The following WDR20 variants were observed in gnomAD, a reference collection of about 807,000 sequenced individuals.
WDR20 encodes the protein WD repeat domain 20, also known as WD repeat-containing protein 20.
WDR20 carries 3 observed loss-of-function variants against 38.7 expected under a neutral mutation model. The observed-to-expected ratio is 0.08, with a 90% CI of 0.04 to 0.20. WDR20 has a LOEUF of 0.20. WDR20 is among the 10% of genes least tolerant of loss of function. The probability of loss-of-function intolerance (pLI) is 1.00; values close to 1 mark genes in which losing one functional copy is unlikely to be tolerated. For synonymous variants in WDR20, 298 were observed against 285.6 expected, an observed-to-expected ratio of 1.04 and a Z score of -0.44; for missense variants, 559 against 727.7, an observed-to-expected ratio of 0.77 and a Z score of 2.67.
chr14:102,213,826 C>T (rs562724997), downstream of WDR20: 33 of 985,410 alleles, frequency 3.3e-5, no homozygotes, highest in African/African-American at 4.7e-4. Context: ...AAGTGTGAGG[C>T]GGAGAAAACC....
At chr14:102,176,771 T>C (rs1484520910) in intron 1 of WDR20, among the ~76,000 whole-genome samples, 2 of 151,970 alleles carry the variant, frequency 1.3e-5, no homozygotes, top group African/African-American at 4.8e-5. Context: ...TCTTGCTCTG[T>C]CTCCCAGGCT....
At chr14:102,211,476 C>T (rs964702761), downstream of WDR20, among the ~76,000 whole-genome samples, 29 of 152,152 alleles carry the variant, frequency 1.9e-4, no homozygotes, top group Non-Finnish European at 3.5e-4. This position sits in a 1 kb window ranked among gnomAD's most constrained non-coding sequence, Gnocchi z 4.2. Flanking sequence ...TGGGCCTTAA[C>T]GCAGTGGTTT....
At chr14:102,176,567 T>A (rs771220691) in intron 1 of WDR20, among the ~76,000 whole-genome samples, 1 of 152,106 alleles carries the variant, frequency 6.6e-6, no homozygotes, top group Non-Finnish European at 1.5e-5. Context: ...GGCTGAGGAT[T>A]TTTACATCTC....
In WDR20 at chr14:102,139,943, G is replaced by C. The variant is rs760903759; in HGVS notation, c.20G>C (p.Gly7Ala). MATEGG[G>A]KEMNEIKTQF... is the part of the protein sequence containing the mutation. ...TCCAAGATGGCGACGGAGGGAGGAG[G>C]GAAGGAGATGAACGAGATTAAGACC... Residue 7 changes from glycine to alanine, a missense_variant, in exon 1 of 3, where the codon GGG becomes GCG. By Grantham distance (60) the Gly-to-Ala change is moderately conservative. Transcript: ENST00000342702. 1 of 1,613,344 alleles carries C rather than the reference G, an allele frequency of 6.2e-7. No individual in the cohort carries two copies.
intron 1 of WDR20, among the ~76,000 whole-genome samples, chr14:102,147,676 T>A (rs549763651): frequency 0.033 from 4,973 of 152,272 alleles, 277 homozygotes; most frequent in African/African-American, 0.11. Context: ...ATGGTGGATT[T>A]TGTCACTGAG....
intron 1 of WDR20, among the ~76,000 whole-genome samples, chr14:102,143,574 T>C (rs1472432275): frequency 6.6e-6 from 1 of 151,716 alleles, no homozygotes; most frequent in Non-Finnish European, 1.5e-5. Context: ...AGACAAAGTC[T>C]AGCTCTGTCA....
At chr14:102,173,080 TC>T (rs1287505410) in intron 1 of WDR20, among the ~76,000 whole-genome samples, 7 of 151,944 alleles carry the variant, frequency 4.6e-5, no homozygotes, top group Admixed American at 4.6e-4. Flanking sequence ...GCTCCTCACT[TC>T]CTAGATGGGA....
downstream of WDR20, among the ~76,000 whole-genome samples, chr14:102,215,834 T>C (rs928193233): frequency 3.9e-5 from 6 of 152,202 alleles, no homozygotes; most frequent in African/African-American, 1.4e-4. Context: ...ATGATTTACA[T>C]TGTCTTACTA....
intron 1 of WDR20, among the ~76,000 whole-genome samples, chr14:102,173,888 C>A (rs2061512625): frequency 6.6e-6 from 1 of 151,908 alleles, no homozygotes; most frequent in Non-Finnish European, 1.5e-5. Flanking sequence ...ACTAAAAATT[C>A]AAAAAATTAG....
In WDR20 at chr14:102,208,243, C is replaced by G. The variant is rs2153014162; in HGVS notation, c.433-360C>G. On this transcript the variant is annotated intron_variant, in intron 2 of 2. Coordinates refer to ENST00000342702, the MANE Select transcript of WDR20 (RefSeq NM_144574.4). The surrounding 1 kb of genome is among the most constrained non-coding windows in gnomAD (Gnocchi z 5.6). ...GGGATACCACATGCAGATGCAGTGACCCCCAGATTCAGATGCACCTACTGT... is the reference window on the plus strand; with the variant it reads ...GGGATACCACATGCAGATGCAGTGAGCCCCAGATTCAGATGCACCTACTGT... Among the ~76,000 whole-genome samples the G allele has an allele frequency of 6.6e-6, 1 of 152,300 alleles. No homozygotes were observed. The highest frequency in any genetic ancestry group is 1.9e-4 in the East Asian group (1 of 5,176).
chr14:102,197,094 T>A (rs1036672853), intron 2 of WDR20, among the ~76,000 whole-genome samples: 5 of 152,206 alleles, frequency 3.3e-5, no homozygotes, highest in African/African-American at 1.2e-4. Flanking sequence ...TTCAAGGCAC[T>A]TTTACCTATG....
In WDR20 at chr14:102,222,094, G is replaced by GC. The variant is rs1328165285; in HGVS notation, c.1693-731dup. Among the ~76,000 whole-genome samples, 1 of 106,170 alleles carries GC rather than the reference G, an allele frequency of 9.4e-6. No homozygotes were observed. Among genetic ancestry groups the GC allele is most frequent in the Non-Finnish European group, 2.0e-5 (1 of 50,916 alleles). The allele number at this position is 106,170 out of a possible 152,430, so 69.7% of individuals were successfully genotyped here. ...AATCTGGGTGAGATTCCCCGCCCCC[G>GC]CCCCCGACAGTGAGCCTCTCAGCAG... On this transcript the variant is annotated intron_variant, in intron 3 of 3. Transcript: ENST00000335263. This position sits in a 1 kb window ranked among gnomAD's most constrained non-coding sequence, Gnocchi z 4.4.
chr14:102,179,547 T>A (rs2062931651), intron 1 of WDR20, among the ~76,000 whole-genome samples: 1 of 151,424 alleles, frequency 6.6e-6, no homozygotes, highest in African/African-American at 2.4e-5. Flanking sequence ...CCTCCCAAAG[T>A]GCTAAGATTA....
rs111594639 is a variant in WDR20, at chr14:102,209,787, A to G, written c.1617A>G (p.Leu539=). 98 of 1,614,042 alleles carry G rather than the reference A, an allele frequency of 6.1e-5. 1 individual carries two copies. In the African/African-American group the frequency reaches 8.5e-4, roughly 14 times the overall value. The change falls in exon 3 of 3, where the codon CTA becomes CTG. Residue 539 remains leucine, a synonymous_variant. Transcript: ENST00000342702. The surrounding 1 kb of genome is among the most constrained non-coding windows in gnomAD (Gnocchi z 6.0). ...KKIAHERLTV[L]IFLEDCIVTA... ...TAGCACATGAGAGACTGACTGTACT[A>G]ATATTTCTTGAAGACTGTATAGTCA...
chr14:102,179,873 G>T lies in WDR20; in HGVS notation c.250-15065G>T, dbSNP rs371187199. ...TACTATTAATAATGATAACAGTTAC[G>T]TCGGGACGGTGGCTCACGCCTGTAA... On this transcript the variant is annotated intron_variant, in intron 1 of 2. Transcript: ENST00000342702. Among the ~76,000 whole-genome samples the T allele has an allele frequency of 4.0e-5, 6 of 151,158 alleles. No individual in the cohort carries two copies. In the East Asian group the frequency reaches 7.7e-4, roughly 19 times the overall value.
intron 1 of WDR20, among the ~76,000 whole-genome samples, chr14:102,180,766 A>C (rs2063215401): frequency 6.6e-6 from 1 of 152,168 alleles, no homozygotes; most frequent in Non-Finnish European, 1.5e-5. Context: ...ACCTGCTGCT[A>C]TTTGGAGCTT....
chr14:102,214,778 G>A (rs2063007870), downstream of WDR20: 1 of 978,562 alleles, frequency 1.0e-6, no homozygotes, highest in South Asian at 4.7e-5. Context: ...ATGAAATATT[G>A]GTAAATTAAA....
At chr14:102,190,593 C>CA (rs1210914052) in intron 1 of WDR20, among the ~76,000 whole-genome samples, 36 of 147,230 alleles carry the variant, frequency 2.4e-4, no homozygotes, top group African/African-American at 6.0e-4. Flanking sequence ...AATTCTGTCT[C>CA]AAAAAAAAAA....
downstream of WDR20, among the ~76,000 whole-genome samples, chr14:102,224,174 T>TGGGAC (rs2064155065): frequency 6.6e-6 from 1 of 151,786 alleles, no homozygotes; most frequent in Non-Finnish European, 1.5e-5. Context: ...CCCGAGTAGC[T>TGGGAC]GGGACTACAG....
Sources: allele counts gnomAD v4.1 joint callset (sites outside exome capture counted in the v4.1 genomes callset), GRCh38; gene constraint gnomAD v4.1.1; non-coding constraint Gnocchi (gnomAD v3.1); transcripts MANE v1.5; gene names NCBI Gene and HGNC (gene_info 2026-07-23, HGNC 2026-07-21).